The following ZNF69 variants were observed in gnomAD, a reference collection of about 807,000 sequenced individuals.
The protein encoded by ZNF69 is zinc finger protein 69, also known as ZNF3.
ZNF69 carries 47 observed loss-of-function variants against 50.9 expected under a neutral mutation model. The ratio of observed to expected loss-of-function variants is 0.92; its 90% CI spans 0.73 to 1.18. ZNF69 has a LOEUF of 1.18. ZNF69 is among the 50% of genes most tolerant of loss of function. The probability of loss-of-function intolerance (pLI) is 0.00; values close to 1 mark genes in which losing one functional copy is unlikely to be tolerated. For synonymous variants in ZNF69, 216 were observed against 223.1 expected, an observed-to-expected ratio of 0.97 and a Z score of 0.29; for missense variants, 717 against 675.1, an observed-to-expected ratio of 1.06 and a Z score of -0.69.
chr19:11,943,855 C>T, the ZNF69 span, among the ~76,000 whole-genome samples: 27 of 152,276 alleles, frequency 1.8e-4, no homozygotes, highest in East Asian at 2.9e-3. Context: ...ATGCTTTGGC[C>T]GCACATAGAC....
At chr19:11,963,074 T>TGAGAGAGAGAGAGA in the ZNF69 span, among the ~76,000 whole-genome samples, 1,862 of 134,390 alleles carry the variant, frequency 0.014, 36 homozygotes, top group Middle Eastern at 0.061. Context: ...GGTAGTTTGG[T>TGAGAGAGAGAGAGA]GAGAGAGAGA....
At chr19:11,976,705 A>G in the ZNF69 span, 383 of 302,260 alleles carry the variant, frequency 1.3e-3, no homozygotes, top group African/African-American at 8.3e-3. Flanking sequence ...TGTCTCTACT[A>G]AAAATACAAA....
chr19:11,947,411 G>A, the ZNF69 span: 4 of 1,602,134 alleles, frequency 2.5e-6, no homozygotes, highest in Non-Finnish European at 3.4e-6. Context: ...ATACCTTGAT[G>A]AATAAATGAG....
chr19:11,893,432 T>C (rs1282118859), intron 1 of ZNF69, among the ~76,000 whole-genome samples: 1 of 152,168 alleles, frequency 6.6e-6, no homozygotes, highest in Non-Finnish European at 1.5e-5. Flanking sequence ...CTTCAAGGGC[T>C]TGCAGTGAAA....
the ZNF69 span, among the ~76,000 whole-genome samples, chr19:11,934,477 G>A: frequency 6.7e-6 from 1 of 148,234 alleles, no homozygotes; most frequent in Non-Finnish European, 1.5e-5. Context: ...ACTGCACCAG[G>A]TATTTGCTGC....
At chr19:11,958,683 C>G in the ZNF69 span, among the ~76,000 whole-genome samples, 1 of 152,150 alleles carries the variant, frequency 6.6e-6, no homozygotes, top group Non-Finnish European at 1.5e-5. Context: ...GTGGGCCAGC[C>G]TGGCCTGTGT....
chr19:11,901,956 G>GT (rs1430424144), intron 1 of ZNF69, among the ~76,000 whole-genome samples: 1 of 148,970 alleles, frequency 6.7e-6, no homozygotes, highest in African/African-American at 2.5e-5. Context: ...GCATGTTGTA[G>GT]TATAGGCCAA....
chr19:11,922,702 C>T, the ZNF69 span, among the ~76,000 whole-genome samples: 1 of 152,080 alleles, frequency 6.6e-6, no homozygotes, highest in Admixed American at 6.6e-5. Flanking sequence ...GGCCAAGCCT[C>T]TTATGTGGCC....
At chr19:11,919,571 C>G in the ZNF69 span, among the ~76,000 whole-genome samples, 1 of 152,082 alleles carries the variant, frequency 6.6e-6, no homozygotes, top group Non-Finnish European at 1.5e-5. Flanking sequence ...CAGCCTGGGC[C>G]ACACAGGGAG....
Position 11,887,842 on chromosome 19 carries a change from C to A in ZNF69, c.-82C>A. On this transcript the variant is annotated 5_prime_UTR_variant, in exon 1 of 4. It adds an upstream start codon to the 5' untranslated region. Transcript: ENST00000429654. The stretch of plus-strand genomic sequence containing the variant: ...TACCTCACCTTTGTCCCTGCGCGGG[C>A]TGCGGCTGGGATCCGGTCTTTCCAG... 1 of 1,322,986 alleles carries A rather than the reference C, an allele frequency of 7.6e-7. No individual in the cohort carries two copies. The highest frequency in any genetic ancestry group is 1.1e-6 in the Non-Finnish European group (1 of 935,638). The allele number at this position is 1,322,986 out of a possible 1,614,324, so 82.0% of individuals were successfully genotyped here.
At chr19:11,962,923 T>C in the ZNF69 span, among the ~76,000 whole-genome samples, 1 of 152,176 alleles carries the variant, frequency 6.6e-6, no homozygotes, top group Non-Finnish European at 1.5e-5. Flanking sequence ...CTTTTTCCAT[T>C]GACTGCAAGG....
At chr19:11,899,477 A>G (rs1809876612) in intron 1 of ZNF69, among the ~76,000 whole-genome samples, 1 of 152,020 alleles carries the variant, frequency 6.6e-6, no homozygotes, top group Non-Finnish European at 1.5e-5. Context: ...AGATGTTACC[A>G]TAGTTTGTTT....
exon 5 of ZNF69, chr19:11,913,643 C>G (rs1434151808): frequency 3.5e-6 from 1 of 288,448 alleles, no homozygotes; most frequent in Non-Finnish European, 6.4e-6. Context: ...CCTGCCTCGG[C>G]CTCCCAAAAT....
At chr19:11,976,288 A>T in the ZNF69 span, among the ~76,000 whole-genome samples, 4 of 151,630 alleles carry the variant, frequency 2.6e-5, no homozygotes, top group Non-Finnish European at 5.9e-5. Context: ...GTTCAAAGAG[A>T]CAGTAGGGAC....
the ZNF69 span, among the ~76,000 whole-genome samples, chr19:11,968,461 C>T: frequency 6.6e-6 from 1 of 152,070 alleles, no homozygotes; most frequent in African/African-American, 2.4e-5. Flanking sequence ...AGGCTGGTCT[C>T]TTGCTCCTGG....
chr19:11,953,450 G>A, the ZNF69 span: 1 of 152,166 alleles, frequency 6.6e-6, no homozygotes, highest in Non-Finnish European at 1.5e-5. Context: ...CAGTGATGTT[G>A]GTTCCTGTTG....
chr19:11,894,160 A>G lies in ZNF69; in HGVS notation c.63+6174A>G, dbSNP rs543347351. On this transcript the variant is annotated intron_variant, in intron 1 of 3. Coordinates refer to ENST00000429654, the MANE Select transcript of ZNF69 (RefSeq NM_001364730.1). ...TTGTATGCATCTCCTCCTTTCATCT[A>G]TCCTAAAAACAGAGATCTTTTTTTT... Among the ~76,000 whole-genome samples, 18 of 152,164 alleles carry G rather than the reference A, an allele frequency of 1.2e-4. 1 individual carries two copies. The highest frequency in any genetic ancestry group is 4.3e-4 in the African/African-American group (18 of 41,524).
the ZNF69 span, chr19:11,948,664 G>T: frequency 1.9e-6 from 3 of 1,612,610 alleles, no homozygotes; most frequent in Admixed American, 3.4e-5. Flanking sequence ...AAGACACATG[G>T]TAATGCACAG....
chr19:11,958,599 G>C, the ZNF69 span, among the ~76,000 whole-genome samples: 133 of 152,328 alleles, frequency 8.7e-4, no homozygotes, highest in Non-Finnish European at 1.5e-3. Flanking sequence ...GTGGGGAGGG[G>C]CTACAAGGGT....
Sources: allele counts gnomAD v4.1 joint callset (sites outside exome capture counted in the v4.1 genomes callset), GRCh38; gene constraint gnomAD v4.1.1; transcripts MANE v1.5; gene names NCBI Gene and HGNC (gene_info 2026-07-23, HGNC 2026-07-21).